The following CHD2 variants were observed in gnomAD, a reference collection of about 807,000 sequenced individuals.
CHD2 encodes ATP-dependent chromatin remodeler CHD2.
A neutral mutation model predicts 243.9 loss-of-function variants in CHD2; 28 were observed. That is an observed-to-expected ratio of 0.11 (90% confidence interval 0.09 to 0.16). The LOEUF (loss-of-function observed/expected upper bound fraction) is 0.16, where lower values mean the gene tolerates loss of function less well. Ranked by LOEUF, CHD2 falls within the 10% of genes least tolerant of loss-of-function variation. The pLI is 1.00. For missense variants in CHD2, 1,386 were observed against 2,209.8 expected (o/e 0.63, Z 7.47); for synonymous variants, 775 against 779.0 (o/e 0.99, Z 0.09).
At chr15:92,969,980 G>A (rs1277431461) in intron 17 of CHD2, among the ~76,000 whole-genome samples, 1 of 151,772 alleles carries the variant, frequency 6.6e-6, no homozygotes, top group Non-Finnish European at 1.5e-5. Flanking sequence ...GAGTTTTAAA[G>A]TACTCAAGAT....
rs1469466700 is a variant in CHD2, at chr15:92,910,075, C to T, written c.62+8776C>T. 6.6e-5 allele frequency among the ~76,000 whole-genome samples: 10 copies of T among 151,768 alleles called. No individual in the cohort carries two copies. The East Asian group carries it at 9.7e-4, about 15-fold the overall frequency. ...ACACTGGAGTGCAGTGGTACAATTT[C>T]GGTTCACTGCAACCTCCACCCTCCA... On this transcript the variant is annotated intron_variant, in intron 2 of 38. Transcript: ENST00000394196.
chr15:92,936,838 T>C (rs77317670), intron 5 of CHD2, among the ~76,000 whole-genome samples: 1 of 144,930 alleles, frequency 6.9e-6, no homozygotes, highest in Non-Finnish European at 1.5e-5. Context: ...CCCAGAAATC[T>C]TTTTTTTTTT....
intron 2 of CHD2, chr15:92,902,814 T>A (rs2052548431): frequency 6.6e-6 from 1 of 152,236 alleles, no homozygotes; most frequent in Non-Finnish European, 1.5e-5. Flanking sequence ...GTGTATCATT[T>A]GCATAGGTCT....
chr15:92,932,500 G>A (rs2053190289), intron 5 of CHD2, among the ~76,000 whole-genome samples: 1 of 126,610 alleles, frequency 7.9e-6, no homozygotes, highest in Non-Finnish European at 1.5e-5. Flanking sequence ...GTGTCCAAGT[G>A]TTCTCATTGT....
intron 7 of CHD2, among the ~76,000 whole-genome samples, chr15:92,940,216 G>A (rs934411670): frequency 6.6e-6 from 1 of 152,180 alleles, no homozygotes; most frequent in African/African-American, 2.4e-5. Context: ...CACTTTGGGA[G>A]GCCGAGGCAG....
intron 5 of CHD2, among the ~76,000 whole-genome samples, chr15:92,933,621 TGAGACGGC>T (rs2053215388): frequency 6.6e-6 from 1 of 152,250 alleles, no homozygotes; most frequent in Non-Finnish European, 1.5e-5. Context: ...TTTTTGTTTT[TGAGACGGC>T]GTTTTATTCT....
intron 19 of CHD2, 74 bp downstream of exon 19, chr15:92,972,491 C>A: frequency 1.5e-6 from 2 of 1,318,240 alleles, no homozygotes; most frequent in Non-Finnish European, 2.1e-6. Flanking sequence ...CCTTCCTACA[C>A]TGGGTTGTAT....
At chr15:92,956,737 C>T in intron 16 of CHD2, 88 bp downstream of exon 16, 3 of 1,255,064 alleles carry the variant, frequency 2.4e-6, no homozygotes, top group African/African-American at 1.5e-5. Flanking sequence ...TTAGGGAAAA[C>T]AGATGGCATG....
chr15:92,904,913 T>A, intron 2 of CHD2: 1 of 1,536,042 alleles, frequency 6.5e-7, no homozygotes, highest in Non-Finnish European at 8.7e-7. Context: ...AATACATGGC[T>A]CATAAACAAA....
chr15:92,956,347 TG>T, intron 15 of CHD2, 111 bp from the exon 16 acceptor site: 1 of 756,120 alleles, frequency 1.3e-6, no homozygotes, highest in Non-Finnish European at 2.2e-6. Context: ...GAAGAATAAA[TG>T]TGTCAATTTA....
intron 2 of CHD2, chr15:92,904,754 T>TCATA: frequency 7.2e-7 from 1 of 1,396,504 alleles, no homozygotes; most frequent in Non-Finnish European, 9.3e-7. Context: ...TTTTCCCTTT[T>TCATA]CATACCTTAG....
rs2053918814 is a variant in CHD2, at chr15:92,977,000, A to AT, written c.2578-1228dup. Among the ~76,000 whole-genome samples the AT allele has an allele frequency of 2.6e-5, 4 of 152,090 alleles. No homozygotes were observed. The South Asian group carries it at 8.3e-4, about 32-fold the overall frequency. On this transcript the variant is annotated intron_variant, in intron 20 of 38. Coordinates refer to ENST00000394196, the MANE Select transcript of CHD2 (RefSeq NM_001271.4). ...ACCGTTAGTGGCATTGAGTTTTATAATTTTTTAACCTTTTTCAACTTGATC... is the reference window on the plus strand; with the variant it reads ...ACCGTTAGTGGCATTGAGTTTTATAATTTTTTTAACCTTTTTCAACTTGATC...
chr15:92,939,129 C>T (rs1002199532), intron 6 of CHD2, among the ~76,000 whole-genome samples: 12 of 151,624 alleles, frequency 7.9e-5, no homozygotes, highest in Admixed American at 5.9e-4. Flanking sequence ...TTTGTTGTTG[C>T]AAATAATGCT....
At chr15:92,970,762 T>C (rs2053830961) in intron 17 of CHD2, among the ~76,000 whole-genome samples, 1 of 152,162 alleles carries the variant, frequency 6.6e-6, no homozygotes, top group Admixed American at 6.5e-5. Context: ...ATTCAACCAG[T>C]TTCCTTGTGG....
chr15:92,926,934 A>G (rs1470879524), intron 3 of CHD2, among the ~76,000 whole-genome samples: 1 of 152,134 alleles, frequency 6.6e-6, no homozygotes, highest in Non-Finnish European at 1.5e-5. Context: ...ATCAGTAAAT[A>G]CTTTGTCTTT....
At chr15:92,955,595 A>G in intron 15 of CHD2, 83 bp downstream of exon 15, 1 of 789,554 alleles carries the variant, frequency 1.3e-6, no homozygotes, top group Non-Finnish European at 1.9e-6. Flanking sequence ...TCTGTGGAGC[A>G]TGTTAGAAAT....
chr15:92,979,834 C>T (rs1227818003), intron 22 of CHD2, among the ~76,000 whole-genome samples: 3 of 151,732 alleles, frequency 2.0e-5, no homozygotes, highest in Non-Finnish European at 2.9e-5. Flanking sequence ...AGGAGAATGG[C>T]GTGAACCCGG....
intron 10 of CHD2, 148 bp from the exon 11 acceptor site, chr15:92,945,673 C>T (rs1473375046): frequency 4.5e-6 from 2 of 447,350 alleles, no homozygotes; most frequent in African/African-American, 2.1e-5. Flanking sequence ...GCTGGGATTA[C>T]AGGCGTGAGC....
chr15:92,952,600 T>G (rs1188994090), intron 13 of CHD2, among the ~76,000 whole-genome samples: 1 of 152,142 alleles, frequency 6.6e-6, no homozygotes, highest in African/African-American at 2.4e-5. Flanking sequence ...CCGTTGCTGA[T>G]CTGACAGGAG....
Sources: allele counts gnomAD v4.1 joint callset (sites outside exome capture counted in the v4.1 genomes callset), GRCh38; gene constraint gnomAD v4.1.1; transcripts MANE v1.5; gene names NCBI Gene and HGNC (gene_info 2026-07-23, HGNC 2026-07-21).